AGPS: variants seen among roughly 807,000 people sequenced by gnomAD.
AGPS encodes alkylglycerone phosphate synthase.
Under a neutral mutation model 90.7 loss-of-function variants are expected in AGPS, and 26 were observed. That is an observed-to-expected ratio of 0.29 (90% CI 0.21 to 0.40). The LOEUF (loss-of-function observed/expected upper bound fraction) is 0.40, where lower values mean the gene tolerates loss of function less well. AGPS is among the 10% of genes least tolerant of loss of function. The pLI, the probability that AGPS is intolerant of heterozygous loss-of-function variation, is 1.00. For missense variants in AGPS, 540 were observed against 816.1 expected (o/e 0.66, Z 4.12); for synonymous variants, 294 against 285.3 (o/e 1.03, Z -0.31).
chr2:177,514,019 T>A, intron 17 of AGPS, 111 bp downstream of exon 17: 1 of 812,260 alleles, frequency 1.2e-6, no homozygotes, highest in South Asian at 1.5e-5. Context: ...CTATTACATT[T>A]GGCCAGCTTT....
In AGPS at chr2:177,538,489, C is replaced by T. The variant is rs1388979988; in HGVS notation, c.*294C>T. ...TTATTCCAGAGGAAGCTGCTGCCAG[C>T]TGTTTTGTATTGTTGCTTCCTCTTG... On this transcript the variant is annotated 3_prime_UTR_variant, in exon 20 of 20. Coordinates refer to ENST00000264167, the MANE Select transcript of AGPS (RefSeq NM_003659.4). 7.6e-6 allele frequency: 3 copies of T among 395,214 alleles called. No homozygotes were observed. Among genetic ancestry groups the T allele is most frequent in the African/African-American group, 2.1e-5 (1 of 48,570 alleles). 24.5% of individuals were successfully genotyped at this position (395,214 alleles called of 1,614,324 possible).
intron 1 of AGPS, among the ~76,000 whole-genome samples, chr2:177,408,675 C>G (rs1574344221): frequency 6.6e-6 from 1 of 152,202 alleles, no homozygotes; most frequent in Non-Finnish European, 1.5e-5. Flanking sequence ...GGGCCATCCT[C>G]TCCTATAGTG....
intron 18 of AGPS, among the ~76,000 whole-genome samples, chr2:177,522,447 C>T (rs1410248837): frequency 6.6e-6 from 1 of 152,032 alleles, no homozygotes; most frequent in Admixed American, 6.6e-5. Flanking sequence ...TCGGAAAACC[C>T]TAAGTAATGA....
At chr2:177,446,354 G>GTGTTAGCCAGGA (rs1456587479) in intron 8 of AGPS, among the ~76,000 whole-genome samples, 1 of 151,692 alleles carries the variant, frequency 6.6e-6, no homozygotes, top group Non-Finnish European at 1.5e-5. Context: ...GCGTTTCACC[G>GTGTTAGCCAGGA]TGGTCTCGGA....
chr2:177,502,859 A>C (rs1688600836), intron 14 of AGPS, among the ~76,000 whole-genome samples: 1 of 109,236 alleles, frequency 9.2e-6, no homozygotes, highest in South Asian at 3.6e-4. Context: ...TATTTTACTT[A>C]GGTAAAATGC....
At chr2:177,466,460 G>A (rs1687451111) in intron 9 of AGPS, among the ~76,000 whole-genome samples, 1 of 152,226 alleles carries the variant, frequency 6.6e-6, no homozygotes, top group African/African-American at 2.4e-5. Context: ...GCTTGAAGGT[G>A]GGGTTTCACC....
intron 12 of AGPS, among the ~76,000 whole-genome samples, chr2:177,495,539 A>T (rs955684861): frequency 4.1e-4 from 63 of 152,332 alleles, no homozygotes; most frequent in African/African-American, 1.4e-3. Context: ...GACACGATTA[A>T]CATTGAAATA....
chr2:177,418,545 T>C (rs1035256739), intron 1 of AGPS, among the ~76,000 whole-genome samples: 2 of 152,004 alleles, frequency 1.3e-5, no homozygotes, highest in Admixed American at 1.3e-4. Context: ...GAGAACAGAA[T>C]TATAATAAAT....
intron 17 of AGPS, among the ~76,000 whole-genome samples, chr2:177,518,046 A>G (rs1398403958): frequency 6.6e-6 from 1 of 152,188 alleles, no homozygotes; most frequent in East Asian, 1.9e-4. Context: ...ATTAAGTCTC[A>G]TTATTGGTGA....
chr2:177,440,872 T>A (rs1686582881), intron 5 of AGPS, 93 bp from the exon 6 acceptor site: 21 of 1,052,944 alleles, frequency 2.0e-5, no homozygotes, highest in Non-Finnish European at 2.9e-5. Flanking sequence ...GAAGGAAAAG[T>A]TTAGATAAAG....
Position 177,392,936 on chromosome 2 carries a change from C to T in AGPS, c.147C>T (p.Pro49=), listed in dbSNP as rs34442536. The change falls in exon 1 of 20, where the codon CCC becomes CCT. Residue 49 remains proline, a synonymous_variant. Transcript: ENST00000264167. ...TCTCTGGCCATCTGCTGGGCCGGCC[C>T]CGGGAGGCTCTGAGTACCAATGAGT... is the stretch of plus-strand genomic sequence containing the variant. The part of the protein sequence containing the change: ...RVLSGHLLGR[P]REALSTNECK... 0.013 allele frequency: 20,440 copies of T among 1,550,112 alleles called. 179 individuals carry two copies. Among genetic ancestry groups the T allele is most frequent in the Non-Finnish European group, 0.015 (17,739 of 1,146,746 alleles).
At chr2:177,536,132 T>C (rs568983081) in intron 19 of AGPS, among the ~76,000 whole-genome samples, 13 of 152,264 alleles carry the variant, frequency 8.5e-5, no homozygotes, top group African/African-American at 2.6e-4. Flanking sequence ...CCTTGTGGAA[T>C]TGCATTATTA....
intron 8 of AGPS, among the ~76,000 whole-genome samples, chr2:177,460,457 C>G (rs1310850633): frequency 2.6e-5 from 4 of 152,166 alleles, no homozygotes; most frequent in Non-Finnish European, 5.9e-5. Context: ...TGAATTAACA[C>G]ACTTAAAAAA....
intron 18 of AGPS, 92 bp downstream of exon 18, chr2:177,521,460 T>G: frequency 9.5e-7 from 1 of 1,057,382 alleles, no homozygotes; most frequent in Admixed American, 1.8e-5. Context: ...TTGAGTCTCT[T>G]TAATCACACA....
chr2:177,460,508 G>A (rs1687260890), intron 8 of AGPS, among the ~76,000 whole-genome samples: 3 of 152,290 alleles, frequency 2.0e-5, no homozygotes, highest in South Asian at 2.1e-4. Context: ...TCTGTATAAT[G>A]TGAAGTTTGT....
At chr2:177,468,603 C>A in intron 10 of AGPS, 79 bp downstream of exon 10, 1 of 996,572 alleles carries the variant, frequency 1.0e-6, no homozygotes, top group Non-Finnish European at 1.6e-6. Context: ...ATTGTGACAT[C>A]AGATCTTTGA....
At chr2:177,458,228 A>G (rs571052551) in intron 8 of AGPS, among the ~76,000 whole-genome samples, 8 of 152,340 alleles carry the variant, frequency 5.3e-5, no homozygotes, top group African/African-American at 1.9e-4. Flanking sequence ...CCCACAGCCA[A>G]TATCATACCG....
chr2:177,460,168 G>A (rs908264032), intron 8 of AGPS, among the ~76,000 whole-genome samples: 7 of 152,278 alleles, frequency 4.6e-5, no homozygotes, highest in Non-Finnish European at 7.4e-5. Context: ...CCTGGGGCGC[G>A]GTGGGAGGCT....
At position 177,505,537 on chromosome 2, in the gene AGPS, A is replaced by G. The variant is rs1362550657; in HGVS notation, c.1507A>G (p.Arg503Gly). 3 of 1,612,606 alleles carry G rather than the reference A, an allele frequency of 1.9e-6. No homozygotes were observed. The highest frequency in any genetic ancestry group is 2.5e-6 in the Non-Finnish European group (3 of 1,179,042). ...GGCAGCTGGAGAAGATAATGGACAG[A>G]GAGGTTATTTGCTGACCTATGTTAT... ...GLAAGEDNGQ[R>G]GYLLTYVIAY... is the part of the protein sequence containing the mutation. Residue 503 changes from arginine (R) to glycine (G), a missense_variant, in exon 15 of 20, where the codon AGA becomes GGA. Physicochemically the swap from Arg to Gly is moderately radical, Grantham distance 125. Coordinates refer to ENST00000264167, the MANE Select transcript of AGPS (RefSeq NM_003659.4).
Sources: allele counts gnomAD v4.1 joint callset (sites outside exome capture counted in the v4.1 genomes callset), GRCh38; gene constraint gnomAD v4.1.1; transcripts MANE v1.5; gene names NCBI Gene and HGNC (gene_info 2026-07-23, HGNC 2026-07-21).